TPD52: variants seen among roughly 807,000 people sequenced by gnomAD.
TPD52 encodes the protein prostate and colon associated protein.
A neutral mutation model predicts 31.3 loss-of-function variants in TPD52; 17 were observed. The observed-to-expected ratio is 0.54, with a 90% CI of 0.37 to 0.82. The LOEUF (loss-of-function observed/expected upper bound fraction) is 0.82. Ranked by LOEUF, TPD52 falls within the 40% of genes least tolerant of loss-of-function variation. The pLI is 0.00. For missense variants in TPD52, 212 were observed against 240.1 expected (o/e 0.88, Z 0.77); for synonymous variants, 83 against 89.6 (o/e 0.93, Z 0.42).
At chr8:80,068,396 C>G (rs1025568238) in intron 1 of TPD52, among the ~76,000 whole-genome samples, 1 of 152,210 alleles carries the variant, frequency 6.6e-6, no homozygotes, top group Admixed American at 6.5e-5. Flanking sequence ...AGGGCCTAGT[C>G]TTTCTCCATA....
chr8:80,118,233 G>A (rs1808011827), intron 1 of TPD52, among the ~76,000 whole-genome samples: 1 of 152,294 alleles, frequency 6.6e-6, no homozygotes, highest in East Asian at 1.9e-4. Flanking sequence ...ATTAAATGGT[G>A]CTGGGGAAAA....
intron 1 of TPD52, among the ~76,000 whole-genome samples, chr8:80,164,780 G>C (rs924793225): frequency 3.2e-5 from 3 of 93,322 alleles, no homozygotes; most frequent in African/African-American, 7.2e-5. Context: ...CAGCTACTTG[G>C]GAGGCTGAAC....
intron 1 of TPD52, among the ~76,000 whole-genome samples, chr8:80,149,010 G>A (rs1026369125): frequency 8.6e-5 from 13 of 151,954 alleles, no homozygotes; most frequent in Non-Finnish European, 1.6e-4. Flanking sequence ...ACACAGAGAA[G>A]ATGAAGCAAA....
intron 1 of TPD52, among the ~76,000 whole-genome samples, chr8:80,160,889 C>CAAAAAAAAAAAAA (rs58923055): frequency 2.8e-4 from 27 of 94,994 alleles, no homozygotes; most frequent in East Asian, 9.4e-4. Context: ...ACTAAAAATA[C>CAAAAAAAAAAAAA]AAAAAAAAAA....
intron 1 of TPD52, among the ~76,000 whole-genome samples, chr8:80,161,761 G>A (rs2194952): frequency 0.4 from 57,192 of 143,250 alleles, 11,816 homozygotes; most frequent in East Asian, 0.73. Flanking sequence ...ACAGAGTCTC[G>A]CTCTGTCACC....
chr8:80,108,579 G>A (rs78655855), intron 1 of TPD52, among the ~76,000 whole-genome samples: 3,612 of 152,198 alleles, frequency 0.024, 56 homozygotes, highest in Middle Eastern at 0.045. Context: ...GATATTCACG[G>A]AAAGAACTCT....
intron 1 of TPD52, among the ~76,000 whole-genome samples, chr8:80,124,575 T>C (rs1051107018): frequency 6.6e-6 from 1 of 152,230 alleles, no homozygotes; most frequent in East Asian, 1.9e-4. Context: ...CAGTATGGCA[T>C]AGTTTAATTA....
chr8:80,165,646 C>G (rs1460743143), intron 1 of TPD52, among the ~76,000 whole-genome samples: 1 of 152,192 alleles, frequency 6.6e-6, no homozygotes, highest in East Asian at 1.9e-4. Context: ...CCAAAGAAAT[C>G]TGCATAAAGA....
At chr8:80,042,592 A>G (rs1219769934) in intron 7 of TPD52, 28 bp downstream of exon 7, 3 of 1,593,842 alleles carry the variant, frequency 1.9e-6, no homozygotes, top group African/African-American at 2.7e-5. Context: ...CAATGTATCA[A>G]AAAGACCCTG....
intron 2 of TPD52, among the ~76,000 whole-genome samples, chr8:80,056,082 A>C (rs1404991767): frequency 6.6e-6 from 1 of 152,184 alleles, no homozygotes; most frequent in Non-Finnish European, 1.5e-5. Flanking sequence ...AAGGGTACCT[A>C]CACCCCCACG....
At chr8:80,101,439 C>T (rs1309157071) in intron 1 of TPD52, among the ~76,000 whole-genome samples, 1 of 128,014 alleles carries the variant, frequency 7.8e-6, no homozygotes, top group Non-Finnish European at 1.6e-5. Flanking sequence ...CAGAGTGAGA[C>T]TCCCAGCTCA....
downstream of TPD52, among the ~76,000 whole-genome samples, chr8:80,032,011 G>T (rs148203941): frequency 6.4e-3 from 968 of 152,048 alleles, 9 homozygotes; most frequent in African/African-American, 0.022. Context: ...AAATTAGCTG[G>T]GCGTGATGAC....
intron 1 of TPD52, 108 bp downstream of exon 1, chr8:80,171,317 G>A (rs765755110): frequency 2.8e-6 from 4 of 1,435,030 alleles, no homozygotes; most frequent in Non-Finnish European, 3.8e-6. Context: ...CAGGAGGCTC[G>A]GCACCTGCTC....
At chr8:80,053,158 T>G in intron 3 of TPD52, 124 bp downstream of exon 3, 1 of 1,070,100 alleles carries the variant, frequency 9.3e-7, no homozygotes. Context: ...AAAAAAAGGG[T>G]GCCGTGTCGT....
At chr8:80,129,462 C>T (rs911071366) in intron 1 of TPD52, among the ~76,000 whole-genome samples, 7 of 152,118 alleles carry the variant, frequency 4.6e-5, no homozygotes, top group Non-Finnish European at 1.0e-4. Context: ...TCCTTCTACA[C>T]GGGACGTAGA....
At chr8:80,050,561 T>A (rs529169613) in intron 4 of TPD52, 90 bp from the exon 5 acceptor site, 1 of 1,330,164 alleles carries the variant, frequency 7.5e-7, no homozygotes, top group African/African-American at 1.5e-5. Context: ...CATATAATGT[T>A]TTCCCTGGGC....
At chr8:80,136,523 CAAAAAAAAAAAAAA>C (rs56656428) in intron 1 of TPD52, among the ~76,000 whole-genome samples, 1 of 67,080 alleles carries the variant, frequency 1.5e-5, no homozygotes, top group South Asian at 5.9e-4. Context: ...GACTCTGTCT[CAAAAAAAAAAAAAA>C]AAAAAAAAAA....
At chr8:80,061,515 C>A (rs1227140886) in intron 2 of TPD52, among the ~76,000 whole-genome samples, 1 of 151,766 alleles carries the variant, frequency 6.6e-6, no homozygotes, top group African/African-American at 2.4e-5. Context: ...GACCCCACCT[C>A]TACTGAAAAA....
At chr8:80,051,746 T>G in intron 3 of TPD52, 118 bp from the exon 4 acceptor site, 1 of 758,544 alleles carries the variant, frequency 1.3e-6, no homozygotes, top group Non-Finnish European at 2.1e-6. Flanking sequence ...GAGAAAACAT[T>G]TTTCAGAACT....
Sources: gnomAD v4.1 joint callset for allele counts (sites outside exome capture counted in the v4.1 genomes callset) on GRCh38, gnomAD v4.1.1 for gene constraint, MANE v1.5 for transcripts, NCBI Gene and HGNC (gene_info 2026-07-23, HGNC 2026-07-21) for gene names.